Variants in PTPRD observed in about 807,000 individuals in gnomAD.
PTPRD encodes protein tyrosine phosphatase receptor type D, also known as receptor-type tyrosine-protein phosphatase delta.
Under a neutral mutation model 214.5 loss-of-function variants are expected in PTPRD, and 34 were observed. The observed-to-expected ratio is 0.16, with a 90% CI of 0.12 to 0.21. PTPRD has a LOEUF of 0.21. Ranked by LOEUF, PTPRD falls within the 10% of genes least tolerant of loss-of-function variation. The pLI is 1.00. For synonymous variants in PTPRD, 1,128 were observed against 845.7 expected, an observed-to-expected ratio of 1.33 and a Z score of -5.79; for missense variants, 2,545 against 2,398.7, an observed-to-expected ratio of 1.06 and a Z score of -1.27.
chr9:9,952,998 A>G (rs1450762069), intron 4 of PTPRD, among the ~76,000 whole-genome samples: 1 of 152,196 alleles, frequency 6.6e-6, no homozygotes, highest in Non-Finnish European at 1.5e-5. Flanking sequence ...GGAAGCCAGA[A>G]AAAATCCTAT....
chr9:9,980,645 A>C (rs1566901587), intron 4 of PTPRD, among the ~76,000 whole-genome samples: 2 of 133,434 alleles, frequency 1.5e-5, no homozygotes, highest in African/African-American at 5.4e-5. Context: ...CAAAAAAAAA[A>C]ACCCTTTATG....
chr9:9,934,687 A>G (rs2088427829), intron 5 of PTPRD, among the ~76,000 whole-genome samples: 1 of 151,002 alleles, frequency 6.6e-6, no homozygotes, highest in African/African-American at 2.5e-5. Flanking sequence ...AACTATTCCA[A>G]TCAACAGAAA....
intron 3 of PTPRD, among the ~76,000 whole-genome samples, chr9:10,112,842 G>C (rs2098702626): frequency 6.6e-6 from 1 of 152,132 alleles, no homozygotes; most frequent in Non-Finnish European, 1.5e-5. Flanking sequence ...TTCACGTCTT[G>C]TCTTAAAATA....
chr9:8,934,688 C>T (rs1489468642), intron 11 of PTPRD, among the ~76,000 whole-genome samples: 1 of 149,716 alleles, frequency 6.7e-6, no homozygotes, highest in Non-Finnish European at 1.5e-5. Context: ...ACTATAGTCG[C>T]CATGCTATAC....
chr9:9,042,846 G>T (rs761683901), intron 10 of PTPRD, among the ~76,000 whole-genome samples: 1 of 151,980 alleles, frequency 6.6e-6, no homozygotes, highest in Non-Finnish European at 1.5e-5. Flanking sequence ...AGGGATTATT[G>T]ATACCAATAT....
intron 2 of PTPRD, among the ~76,000 whole-genome samples, chr9:10,379,218 G>C (rs2097777822): frequency 6.6e-6 from 1 of 151,270 alleles, no homozygotes; most frequent in East Asian, 1.9e-4. Flanking sequence ...CAAATTTAAA[G>C]GATTTGTTTG....
At chr9:8,673,948 C>A (rs2097344714) in intron 12 of PTPRD, among the ~76,000 whole-genome samples, 2 of 152,128 alleles carry the variant, frequency 1.3e-5, no homozygotes, top group Admixed American at 1.3e-4. Context: ...ATTCTGACAA[C>A]CAAAAACGTC....
intron 3 of PTPRD, among the ~76,000 whole-genome samples, chr9:10,123,950 G>C (rs1475035471): frequency 5.9e-5 from 9 of 152,136 alleles, no homozygotes; most frequent in Non-Finnish European, 1.2e-4. Flanking sequence ...GTAAGCATGT[G>C]TTCTTTACAA....
In PTPRD at chr9:9,670,288, T is replaced by C. The variant is rs1008878828; in HGVS notation, c.-287+64245A>G. Among the ~76,000 whole-genome samples, 5 of 152,178 alleles carry C rather than the reference T, an allele frequency of 3.3e-5. No individual in the cohort carries two copies. The East Asian group carries it at 9.7e-4, about 29-fold the overall frequency. On this transcript the variant is annotated intron_variant, in intron 7 of 45. Coordinates refer to ENST00000381196, the MANE Select transcript of PTPRD (RefSeq NM_002839.4). ...CTTGAGAGAGATGATTTATGGTATCTGGCAGAAGTAATTTCCAAGCAGCAA... is the reference window on the plus strand; with the variant it reads ...CTTGAGAGAGATGATTTATGGTATCCGGCAGAAGTAATTTCCAAGCAGCAA...
intron 36 of PTPRD, among the ~76,000 whole-genome samples, chr9:8,398,847 T>C (rs527599040): frequency 6.6e-6 from 1 of 152,256 alleles, no homozygotes; most frequent in Admixed American, 6.5e-5. Flanking sequence ...AATAAATTTG[T>C]ATGGTTTATA....
chr9:8,464,996 AC>A (rs777387611), intron 32 of PTPRD, among the ~76,000 whole-genome samples: 112 of 151,670 alleles, frequency 7.4e-4, no homozygotes, highest in Admixed American at 1.3e-3. Flanking sequence ...AAATACAATC[AC>A]CCCCAAAGTC....
chr9:9,449,043 A>G (rs889786387), intron 8 of PTPRD, among the ~76,000 whole-genome samples: 7 of 152,086 alleles, frequency 4.6e-5, no homozygotes, highest in Admixed American at 6.6e-5. Flanking sequence ...TATTAATGAA[A>G]TGGAAAAGAA....
intron 37 of PTPRD, among the ~76,000 whole-genome samples, chr9:8,388,528 C>G (rs1205532870): frequency 6.6e-6 from 1 of 152,186 alleles, no homozygotes; most frequent in Admixed American, 6.5e-5. Context: ...ATATGGTATA[C>G]TGCTTACCCA....
At chr9:8,747,849 AG>A (rs2093009424) in intron 11 of PTPRD, among the ~76,000 whole-genome samples, 1 of 152,208 alleles carries the variant, frequency 6.6e-6, no homozygotes, top group African/African-American at 2.4e-5. Context: ...GCAGATAGTC[AG>A]GGCCTGTAAA....
chr9:10,549,042 T>C (rs1218443032), intron 2 of PTPRD, among the ~76,000 whole-genome samples: 1 of 152,212 alleles, frequency 6.6e-6, no homozygotes. Flanking sequence ...TTAAATTTTG[T>C]GGTTTTGTTC....
chr9:8,755,218 T>TAA (rs377583048), intron 11 of PTPRD, among the ~76,000 whole-genome samples: 2 of 134,130 alleles, frequency 1.5e-5, no homozygotes, highest in African/African-American at 5.7e-5. Flanking sequence ...ATGTTATTAT[T>TAA]AAAAAAAAAA....
chr9:8,852,438 T>G (rs2097838502), intron 11 of PTPRD, among the ~76,000 whole-genome samples: 1 of 152,330 alleles, frequency 6.6e-6, no homozygotes, highest in Admixed American at 6.5e-5. Context: ...TTCAAAGAAC[T>G]AAGAGAAAGC....
intron 10 of PTPRD, among the ~76,000 whole-genome samples, chr9:9,087,294 G>T (rs1021424952): frequency 6.6e-6 from 1 of 152,150 alleles, no homozygotes; most frequent in African/African-American, 2.4e-5. Flanking sequence ...GTCAGAAATA[G>T]AATGTGCATA....
At chr9:10,006,613 T>C (rs1490390646) in intron 4 of PTPRD, among the ~76,000 whole-genome samples, 2 of 152,036 alleles carry the variant, frequency 1.3e-5, no homozygotes, top group Non-Finnish European at 2.9e-5. Context: ...TTCAAATAAC[T>C]GAGCAGGGTG....
Sources: gnomAD v4.1 joint callset for allele counts (sites outside exome capture counted in the v4.1 genomes callset) on GRCh38, gnomAD v4.1.1 for gene constraint, MANE v1.5 for transcripts, NCBI Gene and HGNC (gene_info 2026-07-23, HGNC 2026-07-21) for gene names.